NLGN1: variants seen among roughly 807,000 people sequenced by gnomAD.
The protein encoded by NLGN1 is neuroligin-1.
NLGN1 carries 12 observed loss-of-function variants against 65.5 expected under a neutral mutation model. The ratio of observed to expected loss-of-function variants is 0.18; its 90% CI spans 0.12 to 0.30. The LOEUF is 0.30. Ranked by LOEUF, NLGN1 falls within the 10% of genes least tolerant of loss-of-function variation. The pLI is 1.00. For synonymous variants in NLGN1, 350 were observed against 359.5 expected, an observed-to-expected ratio of 0.97 and a Z score of 0.30; for missense variants, 750 against 1,007.1, an observed-to-expected ratio of 0.74 and a Z score of 3.46.
chr3:173,943,359 A>C (rs1049941127), intron 4 of NLGN1, among the ~76,000 whole-genome samples: 2 of 152,168 alleles, frequency 1.3e-5, no homozygotes, highest in African/African-American at 4.8e-5. Context: ...TGTGGGGGCA[A>C]GTATTCTTTC....
chr3:173,950,530 C>G (rs1747989927), intron 4 of NLGN1, among the ~76,000 whole-genome samples: 1 of 152,032 alleles, frequency 6.6e-6, no homozygotes. Flanking sequence ...AGGTCCTAAA[C>G]AACTGGGTGT....
At chr3:173,596,240 G>T (rs558059978) in intron 2 of NLGN1, among the ~76,000 whole-genome samples, 1 of 152,064 alleles carries the variant, frequency 6.6e-6, no homozygotes, top group South Asian at 2.1e-4. Flanking sequence ...AGCCCAAGGG[G>T]AAAGAGAACA....
At chr3:173,804,643 A>AT (rs140032376) in intron 3 of NLGN1, among the ~76,000 whole-genome samples, 143,052 of 147,630 alleles carry the variant, frequency 0.97, 69,355 homozygotes, top group East Asian at 1. Context: ...GAGCCTTTAG[A>AT]TTGCTATTTA....
intron 2 of NLGN1, among the ~76,000 whole-genome samples, chr3:173,550,622 A>G (rs1025434453): frequency 2.0e-5 from 3 of 151,784 alleles, no homozygotes; most frequent in Non-Finnish European, 4.4e-5. Flanking sequence ...TTTACAAACC[A>G]CATTTGTAAC....
intron 1 of NLGN1, among the ~76,000 whole-genome samples, chr3:173,417,369 T>A (rs1714014507): frequency 6.6e-6 from 1 of 151,914 alleles, no homozygotes; most frequent in African/African-American, 2.4e-5. Context: ...AAACTATTTT[T>A]AAAATGTCTT....
At chr3:173,874,986 G>A (rs1323713922) in intron 4 of NLGN1, among the ~76,000 whole-genome samples, 1 of 152,142 alleles carries the variant, frequency 6.6e-6, no homozygotes, top group African/African-American at 2.4e-5. Flanking sequence ...TACAGGCTTT[G>A]CAACTACTTA....
intron 3 of NLGN1, among the ~76,000 whole-genome samples, chr3:173,738,030 G>T (rs1774054900): frequency 6.6e-6 from 1 of 152,062 alleles, no homozygotes; most frequent in African/African-American, 2.4e-5. Context: ...TTGTGTGCTT[G>T]TTGGCCATTT....
chr3:173,396,909 G>A (rs573294278), upstream of NLGN1, among the ~76,000 whole-genome samples: 1 of 152,138 alleles, frequency 6.6e-6, no homozygotes, highest in African/African-American at 2.4e-5. Flanking sequence ...GTTTAAATGC[G>A]TCTCTCTTTC....
chr3:173,996,441 A>G (rs1232527933), intron 4 of NLGN1, among the ~76,000 whole-genome samples: 2 of 152,152 alleles, frequency 1.3e-5, no homozygotes, highest in Admixed American at 1.3e-4. Context: ...TTTACCAGTA[A>G]GTTACGATTT....
Position 173,757,825 on chromosome 3 carries a change from A to G in NLGN1, c.494-49855A>G, listed in dbSNP as rs1777368370. ...CCACGTACTTCAAAATTACATACTG[A>G]AGTTTATAATACGATGTCTGAAACT... On this transcript the variant is annotated intron_variant, in intron 3 of 6. Coordinates refer to ENST00000457714, the Ensembl canonical transcript of NLGN1. Among the ~76,000 whole-genome samples, 3 of 152,110 alleles carry G rather than the reference A, an allele frequency of 2.0e-5. No homozygotes were observed. The South Asian group carries it at 6.2e-4, about 31-fold the overall frequency.
At chr3:173,646,871 A>G (rs1758351342) in intron 3 of NLGN1, among the ~76,000 whole-genome samples, 1 of 152,196 alleles carries the variant, frequency 6.6e-6, no homozygotes, top group African/African-American at 2.4e-5. Context: ...AATGTTTTAA[A>G]CATTTCCATT....
At chr3:174,228,019 T>C (rs1233645616) in intron 4 of NLGN1, among the ~76,000 whole-genome samples, 1 of 152,090 alleles carries the variant, frequency 6.6e-6, no homozygotes, top group Non-Finnish European at 1.5e-5. Flanking sequence ...AATTTGTGTA[T>C]TTCATACTGA....
At chr3:174,243,650 G>A (rs529170550) in intron 4 of NLGN1, among the ~76,000 whole-genome samples, 18 of 151,698 alleles carry the variant, frequency 1.2e-4, no homozygotes, top group African/African-American at 2.9e-4. Context: ...GCAGTTTCTC[G>A]TCAATTACAG....
chr3:173,549,555 AG>A, intron 2 of NLGN1, among the ~76,000 whole-genome samples: 1 of 152,140 alleles, frequency 6.6e-6, no homozygotes, highest in South Asian at 2.1e-4. Flanking sequence ...TAATAAAAAA[AG>A]GTACCTCTCA....
chr3:173,674,589 G>A (rs561886214), intron 3 of NLGN1, among the ~76,000 whole-genome samples: 1 of 152,010 alleles, frequency 6.6e-6, no homozygotes, highest in South Asian at 2.1e-4. Context: ...TAAAGGAATA[G>A]AAAGCTGTCC....
chr3:173,928,434 T>C (rs1376676644), intron 4 of NLGN1, among the ~76,000 whole-genome samples: 2 of 152,204 alleles, frequency 1.3e-5, no homozygotes, highest in African/African-American at 2.4e-5. Context: ...TTAAAAATAC[T>C]TGCCTCAAAG....
At chr3:173,580,042 A>G (rs1746148881) in intron 2 of NLGN1, among the ~76,000 whole-genome samples, 1 of 152,176 alleles carries the variant, frequency 6.6e-6, no homozygotes, top group Non-Finnish European at 1.5e-5. Context: ...GCTATCTTTC[A>G]CAACATCCTA....
intron 4 of NLGN1, among the ~76,000 whole-genome samples, chr3:174,274,194 A>C (rs1055451695): frequency 2.0e-5 from 3 of 151,826 alleles, no homozygotes; most frequent in African/African-American, 7.2e-5. Flanking sequence ...AATATAAAAT[A>C]GTCCATAAGA....
rs1286305653 is a variant in NLGN1 at position 174,279,631 on chromosome 3, A to G, written c.1630A>G (p.Thr544Ala). 2 of 1,604,244 alleles carry G rather than the reference A, an allele frequency of 1.2e-6. No homozygotes were observed. The highest frequency in any genetic ancestry group is 1.7e-6 in the Non-Finnish European group (2 of 1,173,678). ...GAGTGCAGTTGTAATGACATACTGG[A>G]CAAATTTTGCTAAAACTGGGTATGT... Residue 544 changes from threonine (T) to alanine (A), a missense_variant, in exon 6 of 7, where the codon ACA becomes GCA. Thr to Ala is a moderately conservative substitution (Grantham distance 58, BLOSUM62 0). Coordinates refer to ENST00000457714, the Ensembl canonical transcript of NLGN1. The surrounding 1 kb of genome is among the most constrained non-coding windows in gnomAD (Gnocchi z 4.7).
Sources: gnomAD v4.1 joint callset for allele counts (sites outside exome capture counted in the v4.1 genomes callset) on GRCh38, gnomAD v4.1.1 for gene constraint, Gnocchi (gnomAD v3.1) non-coding constraint, MANE v1.5 for transcripts, NCBI Gene and HGNC (gene_info 2026-07-23, HGNC 2026-07-21) for gene names.